Variants in TENM1 observed in about 807,000 individuals in gnomAD.
TENM1 encodes teneurin transmembrane protein 1, also known as teneurin-1.
In TENM1, 35 loss-of-function variants were observed where a neutral mutation model predicts 174.8. That is an observed-to-expected ratio of 0.20 (90% CI 0.15 to 0.27). TENM1 has a LOEUF of 0.27. Ranked by LOEUF, TENM1 falls within the 10% of genes least tolerant of loss-of-function variation. TENM1 has a pLI of 1.00. For missense variants in TENM1, 1,633 were observed against 2,130.1 expected (o/e 0.77, Z 4.59); for synonymous variants, 781 against 798.7 (o/e 0.98, Z 0.37).
At chrX:125,189,836 T>C in the TENM1 span, among the ~76,000 whole-genome samples, 2 of 112,300 alleles carry the variant, frequency 1.8e-5, no homozygotes, top group Non-Finnish European at 3.8e-5. Flanking sequence ...CTCAAATAGA[T>C]GTTAAAAGTA....
chrX:124,384,532 T>C (rs2060197562), exon 30 of TENM1: 2 of 1,209,380 alleles, frequency 1.7e-6, no homozygotes, highest in African/African-American at 3.5e-5. Flanking sequence ...CATTATCATA[T>C]TGAATGGTCA....
chrX:124,982,246 A>C, the TENM1 span, among the ~76,000 whole-genome samples: 2 of 45,999 alleles, frequency 4.3e-5, no homozygotes, highest in Non-Finnish European at 7.2e-5. Context: ...TCCACTATGC[A>C]TCTTAATACA....
the TENM1 span, among the ~76,000 whole-genome samples, chrX:125,148,044 G>A: frequency 2.7e-5 from 3 of 110,204 alleles, no homozygotes; most frequent in Non-Finnish European, 5.7e-5. Flanking sequence ...CTTTTTCTTC[G>A]CATCAGAGGA....
chrX:125,038,964 C>T, the TENM1 span, among the ~76,000 whole-genome samples: 1 of 111,656 alleles, frequency 9.0e-6, no homozygotes, highest in Non-Finnish European at 1.9e-5. Context: ...CTGAAAGGGA[C>T]TGACTTCTTC....
intron 3 of TENM1, among the ~76,000 whole-genome samples, chrX:124,752,482 A>G (rs1310710865): frequency 1.8e-5 from 2 of 111,153 alleles, no homozygotes; most frequent in Non-Finnish European, 3.8e-5. Flanking sequence ...GCTGTGCAGA[A>G]GCTCTTTAGT....
chrX:124,566,491 C>G (rs1396038444), intron 11 of TENM1, among the ~76,000 whole-genome samples: 2 of 111,979 alleles, frequency 1.8e-5, no homozygotes, highest in East Asian at 5.6e-4. Flanking sequence ...ATCTAATTCC[C>G]TTGCTGGAGG....
intron 3 of TENM1, among the ~76,000 whole-genome samples, chrX:124,805,137 C>T (rs996956688): frequency 4.5e-5 from 5 of 111,509 alleles, no homozygotes; most frequent in Non-Finnish European, 9.4e-5. Context: ...TTACTAAGAC[C>T]TAGTAAGAGC....
chrX:124,680,003 G>A (rs915374101), intron 5 of TENM1, among the ~76,000 whole-genome samples: 23 of 111,474 alleles, frequency 2.1e-4, no homozygotes, highest in African/African-American at 7.5e-4. Flanking sequence ...AAAAGCTGTT[G>A]TGTCGTATAT....
chrX:125,066,694 T>G, the TENM1 span, among the ~76,000 whole-genome samples: 4 of 112,027 alleles, frequency 3.6e-5, no homozygotes, highest in South Asian at 1.5e-3. Flanking sequence ...TCAAAGTTTA[T>G]AACAAAACAT....
At chrX:124,661,481 C>T (rs1031645756) in intron 6 of TENM1, among the ~76,000 whole-genome samples, 1 of 111,642 alleles carries the variant, frequency 9.0e-6, no homozygotes, top group East Asian at 2.8e-4. Context: ...TATCCCCTGG[C>T]CAGTATTTTA....
intron 3 of TENM1, among the ~76,000 whole-genome samples, chrX:124,879,639 G>A (rs1424784473): frequency 1.8e-5 from 2 of 111,765 alleles, no homozygotes; most frequent in African/African-American, 3.3e-5. Flanking sequence ...ATGCCCAAGA[G>A]TGGGAATGCT....
At position 124,629,579 on chromosome X, in the gene TENM1, C is replaced by A. The variant is rs2050712742; in HGVS notation, c.2077+12212G>T. Among the ~76,000 whole-genome samples the A allele has an allele frequency of 4.4e-5, 5 of 112,381 alleles. No individual in the cohort carries two copies. In the South Asian group the frequency reaches 1.8e-3, roughly 41 times the overall value. ...GAAAAGCATCATGCTATGTGTTGCA[C>A]ATATGTTATCTCATTTAACCCCTAC... On this transcript the variant is annotated intron_variant, in intron 11 of 31. Coordinates refer to ENST00000422452, the Ensembl canonical transcript of TENM1.
chrX:124,509,799 T>C (rs778988773), intron 18 of TENM1, among the ~76,000 whole-genome samples: 3 of 105,991 alleles, frequency 2.8e-5, no homozygotes, highest in East Asian at 6.0e-4. Flanking sequence ...CGGCTCATTG[T>C]AGCCTCCACC....
the TENM1 span, among the ~76,000 whole-genome samples, chrX:125,171,008 T>A: frequency 9.0e-6 from 1 of 111,562 alleles, no homozygotes; most frequent in African/African-American, 3.3e-5. Flanking sequence ...TTGTCTGTGA[T>A]TCCAAATCAC....
intron 18 of TENM1, among the ~76,000 whole-genome samples, chrX:124,517,888 G>T (rs1386193031): frequency 9.0e-6 from 1 of 110,879 alleles, no homozygotes; most frequent in Non-Finnish European, 1.9e-5. Context: ...GAGGAATTTT[G>T]GATTATCTGC....
At chrX:125,109,436 G>A in the TENM1 span, among the ~76,000 whole-genome samples, 4 of 110,339 alleles carry the variant, frequency 3.6e-5, no homozygotes, top group Admixed American at 9.7e-5. Flanking sequence ...ATAGGTAAAC[G>A]TGTGCCATGG....
rs370730488 is a variant in TENM1, at chrX:124,546,879, G to A, written c.2646C>T (p.Asp882=). 7.5e-6 allele frequency: 9 copies of A among 1,198,663 alleles called. No homozygotes were observed. In the African/African-American group the frequency reaches 1.6e-4, roughly 21 times the overall value. The change falls in exon 15 of 32, where the codon GAC becomes GAT. Residue 882 remains aspartate, a synonymous_variant. Transcript: ENST00000422452. ...TAAAATAAATACATATGTACCTGCT[G>A]TCAAATGACACCTCAGGAGGAATGA...
At chrX:124,803,001 A>G (rs1267933113) in intron 3 of TENM1, among the ~76,000 whole-genome samples, 1 of 111,980 alleles carries the variant, frequency 8.9e-6, no homozygotes, top group Non-Finnish European at 1.9e-5. Flanking sequence ...AAAGAGGCAA[A>G]AATACATTAA....
chrX:124,567,284 T>C (rs758520409), intron 11 of TENM1, among the ~76,000 whole-genome samples: 1 of 111,442 alleles, frequency 9.0e-6, no homozygotes, highest in South Asian at 3.8e-4. Context: ...AACTGGTTGA[T>C]ACCTCTAAAC....
Sources: allele counts gnomAD v4.1 joint callset (sites outside exome capture counted in the v4.1 genomes callset), GRCh38; gene constraint gnomAD v4.1.1; transcripts MANE v1.5; gene names NCBI Gene and HGNC (gene_info 2026-07-23, HGNC 2026-07-21).